The following TRIP10 variants were observed in gnomAD, a reference collection of about 807,000 sequenced individuals.
The protein encoded by TRIP10 is cdc42-interacting protein 4.
In TRIP10, 54 loss-of-function variants were observed where a neutral mutation model predicts 80.9. The ratio of observed to expected loss-of-function variants is 0.67; its 90% CI spans 0.54 to 0.84. The LOEUF (loss-of-function observed/expected upper bound fraction) is 0.84. Ranked by LOEUF, TRIP10 falls within the 40% of genes least tolerant of loss-of-function variation. TRIP10 has a pLI of 0.00. For missense variants in TRIP10, 773 were observed against 815.3 expected, an observed-to-expected ratio of 0.95 and a Z score of 0.63; for synonymous variants, 321 against 307.2, an observed-to-expected ratio of 1.04 and a Z score of -0.47.
rs781099769 is a variant in TRIP10, at chr19:6,743,612, G to T, written c.513+14G>T. 2.2e-6 allele frequency: 3 copies of T among 1,390,938 alleles called. No individual in the cohort carries two copies. The South Asian group carries it at 3.5e-5, about 16-fold the overall frequency. 86.2% of individuals were successfully genotyped at this position (1,390,938 alleles called of 1,614,324 possible). A position where few individuals can be genotyped will look rare whatever the true frequency, so the allele number is the denominator to read the frequency against. ...GATGTGGAGAAGGTGTGTGTGGCGG[G>T]GGCGGGGGGGGGGTGCGGGGTCTGG... On this transcript the variant is annotated intron_variant, in intron 6 of 14. Coordinates refer to ENST00000313244, the MANE Select transcript of TRIP10 (RefSeq NM_001288962.2).
At chr19:6,750,850 G>A (rs578127430) in intron 14 of TRIP10, among the ~76,000 whole-genome samples, 42 of 152,284 alleles carry the variant, frequency 2.8e-4, no homozygotes, top group African/African-American at 1.0e-3. Context: ...ACAAAAATTA[G>A]CCAGGTGTGG....
In TRIP10 at chr19:6,745,938, C is replaced by T. The variant is rs920051551; in HGVS notation, c.985-91C>T. ...TGCGTCCATCCGTCCATCCGTGCGT[C>T]CATCCCTCCGTCCATTCGTCCTCAC... On this transcript the variant is annotated intron_variant, in intron 9 of 14. Coordinates refer to ENST00000313244, the MANE Select transcript of TRIP10 (RefSeq NM_001288962.2). This position sits in a 1 kb window ranked among gnomAD's most constrained non-coding sequence, Gnocchi z 7.2. 4.8e-6 allele frequency: 6 copies of T among 1,244,392 alleles called. No homozygotes were observed. In the African/African-American group the frequency reaches 9.3e-5, roughly 19 times the overall value. The allele number at this position is 1,244,392 out of a possible 1,614,324, so 77.1% of individuals were successfully genotyped here.
Position 6,746,141 on chromosome 19 carries a change from G to C in TRIP10, c.1097G>C (p.Ser366Thr). ...RDPLAILSEI[S>T]KSVKPRLASF... ...CCCTTGGCCATACTGAGCGAGATCA[G>C]TAAGTCGGTCAAACCGAGGCTAGCA... The change falls in exon 10 of 15, where the codon AGT becomes ACT. Residue 366 changes from serine to threonine, a missense_variant. Ser to Thr is a moderately conservative substitution (Grantham distance 58). Coordinates refer to ENST00000313244, the MANE Select transcript of TRIP10 (RefSeq NM_001288962.2). This position sits in a 1 kb window ranked among gnomAD's most constrained non-coding sequence, Gnocchi z 6.2. 6.5e-7 allele frequency: 1 copy of C among 1,547,620 alleles called. No individual in the cohort carries two copies. The highest frequency in any genetic ancestry group is 1.2e-5 in the South Asian group (1 of 83,844).
chr19:6,751,011 A>G, intron 14 of TRIP10, 52 bp from the exon 15 acceptor site: 1 of 1,466,284 alleles, frequency 6.8e-7, no homozygotes, highest in Non-Finnish European at 9.0e-7. Context: ...AAAAATAAAA[A>G]TAATAAATTT....
At position 6,746,656 on chromosome 19, in the gene TRIP10, ATTATATTT is replaced by A; in HGVS notation, c.1262+97_1262+104del. ...TTTATTATTTTATTTTATTTATTTT[ATTATATTT>A]TATTTTGTGACAGGGTCTTAGTCTG... On this transcript the variant is annotated intron_variant, in intron 11 of 14. Coordinates refer to ENST00000313244, the MANE Select transcript of TRIP10 (RefSeq NM_001288962.2). This position sits in a 1 kb window ranked among gnomAD's most constrained non-coding sequence, Gnocchi z 6.2. 8.1e-6 allele frequency: 7 copies of A among 861,244 alleles called. No homozygotes were observed. The highest frequency in any genetic ancestry group is 1.1e-5 in the Non-Finnish European group (7 of 632,608). The allele number at this position is 861,244 out of a possible 1,614,324, so 53.4% of individuals were successfully genotyped here. A position where few individuals can be genotyped will look rare whatever the true frequency, so the allele number is the denominator to read the frequency against.
chr19:6,740,477 C>T (rs1468472396), intron 1 of TRIP10, among the ~76,000 whole-genome samples: 1 of 152,224 alleles, frequency 6.6e-6, no homozygotes, highest in Admixed American at 6.5e-5. Flanking sequence ...GGTAACCAGA[C>T]TGCCACCCCC....
intron 12 of TRIP10, 97 bp downstream of exon 12, chr19:6,750,163 C>G (rs529114312): frequency 3.2e-6 from 5 of 1,564,376 alleles, no homozygotes; most frequent in Non-Finnish European, 3.5e-6. Context: ...GTGTTCGGAG[C>G]GGGGGGTCTC....
At chr19:6,739,816 C>T in intron 1 of TRIP10, 31 bp downstream of exon 1, 1 of 1,449,048 alleles carries the variant, frequency 6.9e-7, no homozygotes. Context: ...TCTAAGTTCC[C>T]CTTTGCTGGG....
chr19:6,743,127 C>T lies in TRIP10; in HGVS notation c.345+13C>T, dbSNP rs2145535978. 2 of 1,614,128 alleles carry T rather than the reference C, an allele frequency of 1.2e-6. No homozygotes were observed. Among genetic ancestry groups the T allele is most frequent in the South Asian group, 1.1e-5 (1 of 91,070 alleles). On this transcript the variant is annotated intron_variant, in intron 4 of 14. Coordinates refer to ENST00000313244, the MANE Select transcript of TRIP10 (RefSeq NM_001288962.2). ...GGAGAGGAAGATGGTGAGGAGCCCC[C>T]CGATTCAGGTTTTACAAAGGGCTTC... is the stretch of plus-strand genomic sequence containing the variant.
At position 6,747,806 on chromosome 19, in the gene TRIP10, AAT is replaced by A. The variant is rs1357378985; in HGVS notation, c.1262+1247_1262+1248del. Among the ~76,000 whole-genome samples the A allele has an allele frequency of 5.3e-5, 8 of 151,842 alleles. No homozygotes were observed. In the East Asian group the frequency reaches 1.4e-3, roughly 26 times the overall value. ...AGTCTCTACCTCAAATAATAATAAT[AAT>A]AATAATAATACATTAGCCGAGCACA... On this transcript the variant is annotated intron_variant, in intron 11 of 14. Transcript: ENST00000313244.
chr19:6,740,608 A>C, intron 1 of TRIP10: 2 of 185,142 alleles, frequency 1.1e-5, no homozygotes, highest in Non-Finnish European at 2.3e-5. Flanking sequence ...CCCCCTGGCC[A>C]CTCAGGGGCC....
rs757366187 is a variant in TRIP10 at position 6,751,208 on chromosome 19, T to C, written c.1803T>C (p.Asn601=). 4.3e-6 allele frequency: 7 copies of C among 1,613,804 alleles called. No homozygotes were observed. Among genetic ancestry groups the C allele is most frequent in the East Asian group, 2.2e-5 (1 of 44,878 alleles). Reference sequence around the variant, plus strand: ...CCTCCTACCTCCGAGTCACGCTCAATTGAACCCTGCCAGAGACGGGAAGAG... The same window carrying C: ...CCTCCTACCTCCGAGTCACGCTCAACTGAACCCTGCCAGAGACGGGAAGAG... The part of the protein sequence containing the change: ...VPTSYLRVTL[N] Residue 601 remains asparagine, a synonymous_variant, in exon 15 of 15, where the codon AAT becomes AAC. Coordinates refer to ENST00000313244, the MANE Select transcript of TRIP10 (RefSeq NM_001288962.2).
chr19:6,745,738 C>CG lies in TRIP10; in HGVS notation c.985-286dup, dbSNP rs1376949086. 2 of 985,042 alleles carry CG rather than the reference C, an allele frequency of 2.0e-6. No individual in the cohort carries two copies. The highest frequency in any genetic ancestry group is 9.4e-5 in the South Asian group (2 of 21,270). The allele number at this position is 985,042 out of a possible 1,614,324, so 61.0% of individuals were successfully genotyped here. A position where few individuals can be genotyped will look rare whatever the true frequency, so the allele number is the denominator to read the frequency against. ...AACATTCCAGAGACCTAGGAGATACCGGGGGAGTGAGAGTTCTGGCTTTCG... is the reference window on the plus strand; with the variant it reads ...AACATTCCAGAGACCTAGGAGATACCGGGGGGAGTGAGAGTTCTGGCTTTCG... On this transcript the variant is annotated intron_variant, in intron 9 of 14. Coordinates refer to ENST00000313244, the MANE Select transcript of TRIP10 (RefSeq NM_001288962.2). The surrounding 1 kb of genome is among the most constrained non-coding windows in gnomAD (Gnocchi z 7.2).
Position 6,751,457 on chromosome 19 carries a change from C to A in TRIP10, c.*246C>A. 1 of 983,502 alleles carries A rather than the reference C, an allele frequency of 1.0e-6. No individual in the cohort carries two copies. Among genetic ancestry groups the A allele is most frequent in the Non-Finnish European group, 1.3e-6 (1 of 743,898 alleles). The allele number at this position is 983,502 out of a possible 1,614,324, so 60.9% of individuals were successfully genotyped here. On this transcript the variant is annotated 3_prime_UTR_variant, in exon 15 of 15. Transcript: ENST00000313244. Reference sequence around the variant, plus strand: ...ATCTTTTCTTTCTGCCGCTCGGCTCCGGCCATTTTGTTTTATACAAAAATG... The same window carrying A: ...ATCTTTTCTTTCTGCCGCTCGGCTCAGGCCATTTTGTTTTATACAAAAATG...
At position 6,746,236 on chromosome 19, in the gene TRIP10, G is replaced by A. The variant is rs1238132390; in HGVS notation, c.1152+40G>A. ...GGGGCAGGAGGAGGTGGTGGCCCTA[G>A]CCTGCCCAGCGGCGGGTGGCGGGAC... is the stretch of plus-strand genomic sequence containing the variant. On this transcript the variant is annotated intron_variant, in intron 10 of 14. Transcript: ENST00000313244. The surrounding 1 kb of genome is among the most constrained non-coding windows in gnomAD (Gnocchi z 6.2). The A allele has an allele frequency of 2.0e-6, 3 of 1,496,214 alleles. No individual in the cohort carries two copies. Among genetic ancestry groups the A allele is most frequent in the Non-Finnish European group, 2.7e-6 (3 of 1,117,098 alleles). 92.7% of individuals were successfully genotyped at this position (1,496,214 alleles called of 1,614,324 possible).
intron 3 of TRIP10, among the ~76,000 whole-genome samples, 159 bp downstream of exon 3, chr19:6,741,440 C>T (rs1222367028): frequency 1.3e-5 from 2 of 152,180 alleles, no homozygotes; most frequent in Non-Finnish European, 1.5e-5. Context: ...GGCTTGGAAT[C>T]CTGAGTCCAC....
In TRIP10 at chr19:6,743,521, C is replaced by G; in HGVS notation, c.436C>G (p.Arg146Gly). ...TAAGCGTAAATTTGAGCGGGACTGCCGGGAGGCAGAGAAGGCAGCCCAGAC... is the reference window on the plus strand; with the variant it reads ...TAAGCGTAAATTTGAGCGGGACTGCGGGGAGGCAGAGAAGGCAGCCCAGAC... ...NSKRKFERDC[R>G]EAEKAAQTAE... The change falls in exon 6 of 15, where the codon CGG becomes GGG. Residue 146 changes from arginine to glycine, a missense_variant. Coordinates refer to ENST00000313244, the MANE Select transcript of TRIP10 (RefSeq NM_001288962.2). The G allele has an allele frequency of 1.3e-6, 2 of 1,586,676 alleles. No individual in the cohort carries two copies. The highest frequency in any genetic ancestry group is 1.7e-6 in the Non-Finnish European group (2 of 1,164,722).
At chr19:6,743,325 G>C in intron 5 of TRIP10, 69 bp downstream of exon 5, 1 of 1,591,700 alleles carries the variant, frequency 6.3e-7, no homozygotes, top group Non-Finnish European at 8.6e-7. Flanking sequence ...TCCGGAGTCA[G>C]GGAGCTGCCC....
At chr19:6,743,302 G>T (rs1036661739) in intron 5 of TRIP10, 46 bp downstream of exon 5, 2 of 1,607,596 alleles carry the variant, frequency 1.2e-6, no homozygotes, top group African/African-American at 1.3e-5. Context: ...AGGCATGGGG[G>T]CAGGGTTGCG....
Sources: gnomAD v4.1 joint callset for allele counts (sites outside exome capture counted in the v4.1 genomes callset) on GRCh38, gnomAD v4.1.1 for gene constraint, Gnocchi (gnomAD v3.1) non-coding constraint, MANE v1.5 for transcripts, NCBI Gene and HGNC (gene_info 2026-07-23, HGNC 2026-07-21) for gene names.